The following MAP4K2 variants were observed in gnomAD, a reference collection of about 807,000 sequenced individuals.
MAP4K2 encodes B lymphocyte serine/threonine protein kinase.
MAP4K2 carries 85 observed loss-of-function variants against 125.3 expected under a neutral mutation model. That is an observed-to-expected ratio of 0.68 (90% confidence interval 0.57 to 0.81). The LOEUF (loss-of-function observed/expected upper bound fraction) is 0.81, where lower values mean the gene tolerates loss of function less well. MAP4K2 is among the 40% of genes least tolerant of loss of function. The pLI is 0.00. For missense variants in MAP4K2, 923 were observed against 1,056.4 expected (o/e 0.87, Z 1.75); for synonymous variants, 479 against 445.1 (o/e 1.08, Z -0.96).
chr11:64,798,939 A>G (rs879352689), intron 14 of MAP4K2, 102 bp from the exon 15 acceptor site: 42 of 976,694 alleles, frequency 4.3e-5, no homozygotes, highest in Non-Finnish European at 6.2e-5. Flanking sequence ...AGACAGACAG[A>G]CGGGAAAGGT....
chr11:64,791,320 C>CT (rs1455461402), intron 27 of MAP4K2, among the ~76,000 whole-genome samples: 1 of 152,362 alleles, frequency 6.6e-6, no homozygotes, highest in African/African-American at 2.4e-5. Flanking sequence ...CCTCTAGGCC[C>CT]TGCCTTGCCA....
rs544731329 is a variant in MAP4K2, at chr11:64,801,003, G to A, written c.559C>T (p.Arg187Cys). The A allele has an allele frequency of 1.7e-5, 27 of 1,613,914 alleles. No individual in the cohort carries two copies. The highest frequency in any genetic ancestry group is 1.6e-4 in the Middle Eastern group (1 of 6,062). Residue 187 changes from arginine to cysteine, a missense_variant, in exon 9 of 32, where the codon CGC becomes TGC. Arg to Cys is a radical substitution (Grantham distance 180). Transcript: ENST00000294066. ...WMAPEVAAVE[R>C]KGGYNELCDV... ...CATAGCTCATTGTAGCCACCTTTGCGCTCCACAGCAGCCACCTCGGGAGCC... is the reference window on the plus strand; with the variant it reads ...CATAGCTCATTGTAGCCACCTTTGCACTCCACAGCAGCCACCTCGGGAGCC...
In MAP4K2 at chr11:64,792,349, C is replaced by CCCCCCCCA. The variant is rs2136038498; in HGVS notation, c.1810+14_1810+15insTGGGGGGG. 1 of 1,545,200 alleles carries CCCCCCCCA rather than the reference C, an allele frequency of 6.5e-7. No homozygotes were observed. The highest frequency in any genetic ancestry group is 8.8e-7 in the Non-Finnish European group (1 of 1,138,528). On this transcript the variant is annotated intron_variant, in intron 25 of 31. Transcript: ENST00000294066. ...CCACCAGGCCCCGCCCCACCCCGCC[C>CCCCCCCCA]AGCCCATTTCTTACCCACACGACAC...
chr11:64,798,810 T>C lies in MAP4K2; in HGVS notation c.1081A>G (p.Lys361Glu), dbSNP rs1470815368. ...CTCACTTACCCACTCAACTCTTCCT[T>C]TCCCAGTAGTGTCCACTCTTCCTCC... Reference protein sequence around the residue: ...PWEEEWTLLGKEELSGSLLQS... With the variant: ...PWEEEWTLLGEEELSGSLLQS... The change falls in exon 15 of 32, where the codon AAG (lysine) becomes GAG (glutamate). Residue 361 changes from lysine to glutamate, a missense_variant. Around this residue, in one of 2 missense-constraint regions of MAP4K2, gnomAD observed 833 missense variants for 911.4 expected, o/e 0.91. Transcript: ENST00000294066. 1 of 1,609,896 alleles carries C rather than the reference T, an allele frequency of 6.2e-7. No homozygotes were observed. Among genetic ancestry groups the C allele is most frequent in the Admixed American group, 1.7e-5 (1 of 59,488 alleles).
At chr11:64,802,360 C>T in intron 4 of MAP4K2, 59 bp downstream of exon 4, 2 of 1,484,044 alleles carry the variant, frequency 1.3e-6, no homozygotes, top group South Asian at 2.6e-5. Context: ...TCTGGTACCC[C>T]AGTGGGGTAG....
rs777982291 is a variant in MAP4K2, at chr11:64,802,379, G to T, written c.310+40C>A. On this transcript the variant is annotated intron_variant, in intron 4 of 31. Transcript: ENST00000294066. ...GTACCCCAGTGGGGTAGGGGTGGGG[G>T]AAGGCTGGGGCCTGCTGGGGCCTGG... The T allele has an allele frequency of 1.0e-5, 15 of 1,487,820 alleles. No homozygotes were observed. In the South Asian group the frequency reaches 1.9e-4, roughly 19 times the overall value. The allele number at this position is 1,487,820 out of a possible 1,614,324, so 92.2% of individuals were successfully genotyped here.
chr11:64,794,521 G>A (rs754434804), intron 24 of MAP4K2, among the ~76,000 whole-genome samples: 14 of 151,884 alleles, frequency 9.2e-5, no homozygotes, highest in African/African-American at 7.3e-5. Context: ...CACCATGCCC[G>A]GCTAATTTTT....
intron 15 of MAP4K2, 84 bp downstream of exon 15, chr11:64,798,710 C>G: frequency 6.8e-7 from 1 of 1,474,728 alleles, no homozygotes; most frequent in Non-Finnish European, 9.5e-7. Context: ...GCTGGGATTA[C>G]AGGCATGAGC....
intron 2 of MAP4K2, 60 bp downstream of exon 2, chr11:64,802,825 C>CCCCGCG: frequency 6.4e-7 from 1 of 1,550,740 alleles, no homozygotes; most frequent in Non-Finnish European, 8.7e-7. Flanking sequence ...TCCGCCCGCA[C>CCCCGCG]CCCGCGCCCG....
At position 64,790,356 on chromosome 11, in the gene MAP4K2, T is replaced by C. The variant is rs369251587; in HGVS notation, c.2161+38A>G. 11 of 1,613,438 alleles carry C rather than the reference T, an allele frequency of 6.8e-6. No homozygotes were observed. The Admixed American group carries it at 1.5e-4, about 22-fold the overall frequency. On this transcript the variant is annotated intron_variant, in intron 28 of 31. Transcript: ENST00000294066. The stretch of plus-strand genomic sequence containing the variant: ...GACCCACGTGGTCGCCTTACCTCCA[T>C]AGTCCCCTGCCCTAAGCCCTGCCCC...
Position 64,797,554 on chromosome 11 carries a change from C to CGTGAGGCAT in MAP4K2, c.1137-29_1137-21dup. 1.9e-6 allele frequency: 3 copies of CGTGAGGCAT among 1,572,736 alleles called. No homozygotes were observed. Among genetic ancestry groups the CGTGAGGCAT allele is most frequent in the Non-Finnish European group, 2.6e-6 (3 of 1,158,386 alleles). On this transcript the variant is annotated intron_variant, in intron 16 of 31. Transcript: ENST00000294066. ...AGACTCCTGTGGGAGGGAGATGAGG[C>CGTGAGGCAT]GTGAGGCATGAGGTGTGACTGGCAC...
chr11:64,801,617 G>A lies in MAP4K2; in HGVS notation c.419C>T (p.Ala140Val). 6.2e-7 allele frequency: 1 copy of A among 1,613,990 alleles called. No individual in the cohort carries two copies. Residue 140 changes from alanine to valine, a missense_variant, in exon 7 of 32, where the codon GCC becomes GTC. Ala to Val is a moderately conservative substitution (Grantham distance 64). Around this residue, in one of 2 missense-constraint regions of MAP4K2, gnomAD observed 833 missense variants for 911.4 expected, o/e 0.91. Coordinates refer to ENST00000294066, the MANE Select transcript of MAP4K2 (RefSeq NM_004579.5). ...QGKIHRDIKG[A>V]NLLLTLQGDV... ...TCCCTGGAGAGTGAGGAGAAGGTTG[G>A]CTCCCTGTGGGAATGGAGGAGAGAC...
chr11:64,800,784 T>A lies in MAP4K2; in HGVS notation c.705A>T (p.Lys235Asn). The change falls in exon 10 of 32, where the codon AAA becomes AAT. Residue 235 changes from lysine (K) to asparagine (N), a missense_variant. Coordinates refer to ENST00000294066, the MANE Select transcript of MAP4K2 (RefSeq NM_004579.5). ...LMSKSSFQPPKLRDKTRWTQN... is the reference protein window; with the variant it reads ...LMSKSSFQPPNLRDKTRWTQN... The stretch of plus-strand genomic sequence containing the variant: ...CTTACCAGCGAGTCTTATCTCTCAG[T>A]TTGGGCGGCTGGAAGCTGCTCTTCG... 1 of 1,608,848 alleles carries A rather than the reference T, an allele frequency of 6.2e-7. No individual in the cohort carries two copies. The highest frequency in any genetic ancestry group is 1.3e-5 in the African/African-American group (1 of 74,954).
At chr11:64,801,525 A>T (rs2136053855) in intron 7 of MAP4K2, 54 bp downstream of exon 7, 1 of 1,598,612 alleles carries the variant, frequency 6.3e-7, no homozygotes, top group South Asian at 1.1e-5. Flanking sequence ...AGTCCAGGGT[A>T]GCCGGGGAGG....
chr11:64,802,186 G>A (rs906603662), intron 4 of MAP4K2, 65 bp from the exon 5 acceptor site: 30 of 1,452,828 alleles, frequency 2.1e-5, no homozygotes, highest in Admixed American at 8.9e-5. Context: ...CCAGGCTACC[G>A]TGTGTGGGAA....
At position 64,796,538 on chromosome 11, in the gene MAP4K2, A is replaced by T; in HGVS notation, c.1588T>A (p.Cys530Ser). The change falls in exon 23 of 32, where the codon TGC becomes AGC. Residue 530 changes from cysteine to serine, a missense_variant. By Grantham distance (112) the Cys-to-Ser change is moderately radical. This residue lies in a region of MAP4K2 where 833 missense variants were observed against 911.4 expected (regional missense o/e 0.91). Coordinates refer to ENST00000294066, the MANE Select transcript of MAP4K2 (RefSeq NM_004579.5). The part of the protein sequence containing the change: ...DTLEKLISHR[C>S]SWLYCVNNVL... ...TTGTTCACGCAGTAGAGCCAGGAGC[A>T]GCGATGTGAAATCAGCTGGAGGCCA... The T allele has an allele frequency of 6.2e-7, 1 of 1,613,978 alleles. No individual in the cohort carries two copies.
In MAP4K2 at chr11:64,796,706, G is replaced by T. The variant is rs1254995889; in HGVS notation, c.1500C>A (p.Phe500Leu). ...TWIHPVTRDQ[F>L]LVVGAEEGIY... ...TGCCTTCCTCGGCCCCTACCACCAG[G>T]AACTGGTCTGCCAGTTTGGGCATGG... Residue 500 changes from phenylalanine (F) to leucine (L), a missense_variant, in exon 22 of 32, where the codon TTC (phenylalanine) becomes TTA (leucine). Phe to Leu is a conservative substitution (Grantham distance 22). Coordinates refer to ENST00000294066, the MANE Select transcript of MAP4K2 (RefSeq NM_004579.5). 6.2e-7 allele frequency: 1 copy of T among 1,611,648 alleles called. No individual in the cohort carries two copies. Among genetic ancestry groups the T allele is most frequent in the South Asian group, 1.1e-5 (1 of 90,488 alleles).
chr11:64,797,780 A>G (rs1003014699), intron 15 of MAP4K2, 116 bp from the exon 16 acceptor site: 1 of 1,003,770 alleles, frequency 1.0e-6, no homozygotes, highest in African/African-American at 1.8e-5. Flanking sequence ...ATCGCGGCTC[A>G]CTGCAAGCTC....
At chr11:64,798,958 AAC>A (rs888780017) in intron 14 of MAP4K2, 121 bp from the exon 15 acceptor site, 16 of 826,352 alleles carry the variant, frequency 1.9e-5, no homozygotes, top group East Asian at 2.6e-5. Flanking sequence ...GTGAGATGGA[AAC>A]ACACAGAAGA....
Sources: gnomAD v4.1 joint callset for allele counts (sites outside exome capture counted in the v4.1 genomes callset) on GRCh38, gnomAD v4.1.1 for gene constraint, gnomAD v4.1.1 regional missense constraint, MANE v1.5 for transcripts, NCBI Gene and HGNC (gene_info 2026-07-23, HGNC 2026-07-21) for gene names.